CORIN: variants seen among roughly 807,000 people sequenced by gnomAD.
CORIN encodes atrial natriuretic peptide-converting enzyme.
Under a neutral mutation model 125.3 loss-of-function variants are expected in CORIN, and 117 were observed. The observed-to-expected ratio is 0.93, with a 90% CI of 0.80 to 1.09. The LOEUF (loss-of-function observed/expected upper bound fraction) is 1.09. CORIN is among the 50% of genes least tolerant of loss of function. The pLI, the probability that CORIN is intolerant of heterozygous loss-of-function variation, is 0.00. For missense variants in CORIN, 1,253 were observed against 1,306.7 expected (o/e 0.96, Z 0.63); for synonymous variants, 450 against 466.4 (o/e 0.96, Z 0.45).
At chr4:47,801,241 A>T (rs2109942125) in intron 2 of CORIN, among the ~76,000 whole-genome samples, 1 of 152,332 alleles carries the variant, frequency 6.6e-6, no homozygotes, top group Middle Eastern at 3.4e-3. Context: ...TGGTTGTCCC[A>T]TAAGTATCTC....
intron 20 of CORIN, 67 bp from the exon 21 acceptor site, chr4:47,600,414 C>G: frequency 1.8e-6 from 2 of 1,097,672 alleles, no homozygotes; most frequent in South Asian, 4.2e-5. Context: ...GCTAGTGAGG[C>G]TAGCCAAATA....
intron 3 of CORIN, among the ~76,000 whole-genome samples, chr4:47,768,208 T>C (rs1267732146): frequency 6.6e-6 from 1 of 152,024 alleles, no homozygotes; most frequent in Admixed American, 6.6e-5. Flanking sequence ...CCCACCCCTG[T>C]CTCCCTTCGC....
At position 47,678,073 on chromosome 4, in the gene CORIN, AT is replaced by A; in HGVS notation, c.1133-20del. 1 of 1,499,812 alleles carries A rather than the reference AT, an allele frequency of 6.7e-7. No individual in the cohort carries two copies. Among genetic ancestry groups the A allele is most frequent in the Non-Finnish European group, 9.3e-7 (1 of 1,076,236 alleles). 92.9% of individuals were successfully genotyped at this position (1,499,812 alleles called of 1,614,324 possible). A position where few individuals can be genotyped will look rare whatever the true frequency, so the allele number is the denominator to read the frequency against. On this transcript the variant is annotated intron_variant, in intron 8 of 21. Coordinates refer to ENST00000273857, the MANE Select transcript of CORIN (RefSeq NM_006587.4). Reference sequence around the variant, plus strand: ...TGACAGGCTAGGAAGGACCATAACAATATTCACTTTATTTATTAATTCTTCT... The same window carrying A: ...TGACAGGCTAGGAAGGACCATAACAAATTCACTTTATTTATTAATTCTTCT...
At chr4:47,646,311 A>G (rs545423667) in intron 13 of CORIN, among the ~76,000 whole-genome samples, 1 of 152,342 alleles carries the variant, frequency 6.6e-6, no homozygotes, top group East Asian at 1.9e-4. Context: ...TTCTATGCCA[A>G]ACAAAACTAG....
chr4:47,806,118 G>T (rs1248004781), intron 2 of CORIN, among the ~76,000 whole-genome samples: 1 of 151,980 alleles, frequency 6.6e-6, no homozygotes, highest in Non-Finnish European at 1.5e-5. Context: ...TAAAAATGTG[G>T]TATGTAATAT....
At chr4:47,609,536 G>C (rs572062889) in intron 19 of CORIN, among the ~76,000 whole-genome samples, 8 of 152,172 alleles carry the variant, frequency 5.3e-5, no homozygotes, top group African/African-American at 1.9e-4. Context: ...CACCGCACCC[G>C]GCTATCCTTG....
intron 2 of CORIN, among the ~76,000 whole-genome samples, chr4:47,802,304 C>T (rs1280212222): frequency 1.3e-5 from 2 of 152,144 alleles, no homozygotes; most frequent in Non-Finnish European, 2.9e-5. Context: ...ACCAACCAGG[C>T]TCTTAGGGTC....
At chr4:47,716,137 C>T (rs1207098449) in intron 5 of CORIN, among the ~76,000 whole-genome samples, 1 of 152,160 alleles carries the variant, frequency 6.6e-6, no homozygotes, top group East Asian at 1.9e-4. Flanking sequence ...GAACATCTAC[C>T]TTGGAGGCAC....
intron 12 of CORIN, among the ~76,000 whole-genome samples, chr4:47,658,520 C>A (rs1266155528): frequency 6.6e-6 from 1 of 152,262 alleles, no homozygotes; most frequent in Admixed American, 6.5e-5. Context: ...GGGGCTCCAG[C>A]CCCACGTTTC....
At chr4:47,668,152 T>C (rs4579090) in intron 10 of CORIN, among the ~76,000 whole-genome samples, 39,713 of 152,164 alleles carry the variant, frequency 0.26, 5,424 homozygotes, top group Admixed American at 0.36. Flanking sequence ...ATGTATGTTG[T>C]TTATAAGCAA....
chr4:47,713,602 C>T (rs539391184), intron 5 of CORIN, among the ~76,000 whole-genome samples: 1 of 152,204 alleles, frequency 6.6e-6, no homozygotes, highest in East Asian at 1.9e-4. Flanking sequence ...AATTTGTCCC[C>T]GTGCTAACCT....
chr4:47,701,689 G>GC (rs945327960), intron 5 of CORIN, among the ~76,000 whole-genome samples: 4 of 151,658 alleles, frequency 2.6e-5, no homozygotes, highest in Non-Finnish European at 4.4e-5. Context: ...AAAGTAGAAA[G>GC]TTTTTTTTAA....
At chr4:47,630,365 A>C (rs138912396) in intron 16 of CORIN, among the ~76,000 whole-genome samples, 3 of 152,334 alleles carry the variant, frequency 2.0e-5, no homozygotes, top group African/African-American at 7.2e-5. Context: ...AGAGCTGCTC[A>C]AATTTTGTTT....
At chr4:47,676,989 G>A (rs1225886222) in intron 9 of CORIN, among the ~76,000 whole-genome samples, 2 of 152,044 alleles carry the variant, frequency 1.3e-5, no homozygotes, top group Non-Finnish European at 2.9e-5. Context: ...TAGGTCTTGG[G>A]CATTTTTCCA....
intron 16 of CORIN, among the ~76,000 whole-genome samples, chr4:47,627,328 A>T (rs1044770760): frequency 4.0e-5 from 6 of 151,388 alleles, no homozygotes; most frequent in Non-Finnish European, 8.9e-5. Context: ...ATAATAGAAA[A>T]TGGACAAAAA....
intron 5 of CORIN, among the ~76,000 whole-genome samples, chr4:47,719,385 T>G (rs1469133326): frequency 6.6e-6 from 1 of 152,212 alleles, no homozygotes; most frequent in Non-Finnish European, 1.5e-5. Context: ...ATATTTGTTA[T>G]ATAAATGAAT....
chr4:47,696,924 C>T (rs1726036711), intron 5 of CORIN, among the ~76,000 whole-genome samples: 1 of 152,142 alleles, frequency 6.6e-6, no homozygotes, highest in African/African-American at 2.4e-5. Context: ...CACCAGCCTG[C>T]CACGGACTGT....
chr4:47,711,745 T>C (rs1349567438), intron 5 of CORIN, among the ~76,000 whole-genome samples: 1 of 152,256 alleles, frequency 6.6e-6, no homozygotes, highest in Non-Finnish European at 1.5e-5. Flanking sequence ...GAGGGTTCAT[T>C]CCCATTGTTG....
chr4:47,699,216 T>A (rs571679251), intron 5 of CORIN, among the ~76,000 whole-genome samples: 162 of 152,336 alleles, frequency 1.1e-3, no homozygotes, highest in Non-Finnish European at 2.0e-3. Context: ...ATCAAGAATA[T>A]ACTTACAATC....
Sources: gnomAD v4.1 joint callset for allele counts (sites outside exome capture counted in the v4.1 genomes callset) on GRCh38, gnomAD v4.1.1 for gene constraint, MANE v1.5 for transcripts, NCBI Gene and HGNC (gene_info 2026-07-23, HGNC 2026-07-21) for gene names.